PCDHGA8: variants seen among roughly 807,000 people sequenced by gnomAD.
PCDHGA8 encodes the protein protocadherin gamma-A8.
In PCDHGA8, 45 loss-of-function variants were observed where a neutral mutation model predicts 59.2. The observed-to-expected ratio is 0.76, with a 90% confidence interval of 0.60 to 0.98. The LOEUF (loss-of-function observed/expected upper bound fraction) is 0.98, where lower values mean the gene tolerates loss of function less well. PCDHGA8 is among the 50% of genes least tolerant of loss of function. PCDHGA8 has a pLI of 0.00. For synonymous variants in PCDHGA8, 531 were observed against 519.0 expected, an observed-to-expected ratio of 1.02 and a Z score of -0.32; for missense variants, 1,257 against 1,196.2, an observed-to-expected ratio of 1.05 and a Z score of -0.75.
chr5:141,425,013 G>T (rs1666336437), intron 1 of PCDHGA8, among the ~76,000 whole-genome samples: 1 of 152,108 alleles, frequency 6.6e-6, no homozygotes, highest in Non-Finnish European at 1.5e-5. Flanking sequence ...TCTCATTTAG[G>T]AATTTACCTT....
chr5:141,469,697 T>G (rs2154570403), intron 1 of PCDHGA8, among the ~76,000 whole-genome samples: 1 of 152,392 alleles, frequency 6.6e-6, no homozygotes, highest in African/African-American at 2.4e-5. Context: ...TCCTATGACC[T>G]AGTAATCACA....
chr5:141,427,626 C>T, intron 1 of PCDHGA8: 1 of 699,934 alleles, frequency 1.4e-6, no homozygotes, highest in Non-Finnish European at 2.6e-6. Flanking sequence ...CGACAATGCT[C>T]CGGTTTTCCA....
chr5:141,399,300 C>T (rs985419238), intron 1 of PCDHGA8: 3 of 1,613,792 alleles, frequency 1.9e-6, no homozygotes, highest in Non-Finnish European at 2.5e-6. Flanking sequence ...TTAAGATTAT[C>T]TCTTCATCCA....
intron 1 of PCDHGA8, among the ~76,000 whole-genome samples, chr5:141,447,221 C>A (rs1034853072): frequency 6.6e-6 from 1 of 152,026 alleles, no homozygotes; most frequent in Non-Finnish European, 1.5e-5. Context: ...CTCACTGCAA[C>A]CTCCGCCTCC....
intron 1 of PCDHGA8, among the ~76,000 whole-genome samples, chr5:141,454,985 A>G (rs1292477757): frequency 1.3e-5 from 2 of 150,314 alleles, no homozygotes; most frequent in African/African-American, 4.9e-5. Context: ...TTTTTTAAAA[A>G]ATATTTTTAG....
At chr5:141,407,703 G>T (rs1016806853) in intron 1 of PCDHGA8, among the ~76,000 whole-genome samples, 1 of 152,096 alleles carries the variant, frequency 6.6e-6, no homozygotes, top group Admixed American at 6.6e-5. Context: ...ATTGTTGAAG[G>T]TGGGGTGATG....
chr5:141,428,224 G>T, intron 1 of PCDHGA8: 1 of 1,164,316 alleles, frequency 8.6e-7, no homozygotes, highest in Non-Finnish European at 1.3e-6. Context: ...AGTCTTCGCA[G>T]ACAGCCTGCA....
At chr5:141,400,524 G>A (rs958686867) in intron 1 of PCDHGA8, 1 of 1,613,802 alleles carries the variant, frequency 6.2e-7, no homozygotes, top group Non-Finnish European at 8.5e-7. Context: ...ATCCTGAGTT[G>A]GTGAGTTTCA....
At chr5:141,424,726 T>C (rs1041673348) in intron 1 of PCDHGA8, 7 of 152,218 alleles carry the variant, frequency 4.6e-5, no homozygotes, top group African/African-American at 4.8e-5. Context: ...TTGGGAGTCA[T>C]AGATTCCTTC....
chr5:141,446,928 C>T (rs988582410), intron 1 of PCDHGA8, among the ~76,000 whole-genome samples: 14 of 152,132 alleles, frequency 9.2e-5, no homozygotes, highest in Non-Finnish European at 1.6e-4. Context: ...TTCCTGATCT[C>T]TTTTTCACTG....
chr5:141,490,317 C>A lies in PCDHGA8; in HGVS notation c.2425-4490C>A, dbSNP rs2233604. ...TATTGGCCTCTTTGGCCAACCCTGT[C>A]CTAGAGAGCACACCAGTGGGCACAG... On this transcript the variant is annotated intron_variant, in intron 1 of 3. Coordinates refer to ENST00000398604, the MANE Select transcript of PCDHGA8 (RefSeq NM_032088.2). The surrounding 1 kb of genome is among the most constrained non-coding windows in gnomAD (Gnocchi z 5.4). 32,069 of 1,614,158 alleles carry A rather than the reference C, an allele frequency of 0.02. 521 individuals carry two copies. Among genetic ancestry groups the A allele is most frequent in the African/African-American group, 0.081 (6,098 of 75,022 alleles).
intron 1 of PCDHGA8, chr5:141,427,831 G>A (rs2097077070): frequency 6.5e-7 from 1 of 1,539,366 alleles, no homozygotes; most frequent in East Asian, 2.2e-5. Context: ...GTCGCGCAGC[G>A]TGCCTTCGAC....
rs759854662 is a variant in PCDHGA8 at position 141,394,946 on chromosome 5, T to A, written c.2133T>A (p.Leu711=). ...TCTTCCTCGCCTTTGTCGCTGTGCT[T>A]CTGGGGCTCAGGCTGAGGCGCTGGC... The part of the protein sequence containing the change: ...SCVFLAFVAV[L]LGLRLRRWHK... The change falls in exon 1 of 4, where the codon CTT becomes CTA. Residue 711 remains leucine (L), a synonymous_variant. Coordinates refer to ENST00000398604, the MANE Select transcript of PCDHGA8 (RefSeq NM_032088.2). 6.2e-7 allele frequency: 1 copy of A among 1,613,768 alleles called. No individual in the cohort carries two copies. Among genetic ancestry groups the A allele is most frequent in the East Asian group, 2.2e-5 (1 of 44,896 alleles).
intron 1 of PCDHGA8, chr5:141,423,907 G>C: frequency 7.9e-7 from 1 of 1,271,360 alleles, no homozygotes. Context: ...TTTCAAAGGG[G>C]CCATTCAACT....
intron 1 of PCDHGA8, chr5:141,413,448 G>A (rs781717265): frequency 3.1e-6 from 5 of 1,614,122 alleles, no homozygotes; most frequent in Non-Finnish European, 4.2e-6. Context: ...TGATCACCGC[G>A]GGCAGGATAG....
chr5:141,494,894 C>A, intron 2 of PCDHGA8, 29 bp downstream of exon 2: 1 of 1,614,116 alleles, frequency 6.2e-7, no homozygotes, highest in South Asian at 1.1e-5. Flanking sequence ...AGCCCACCCT[C>A]TTCTCTGCGG....
chr5:141,497,385 C>T (rs2154592097), intron 2 of PCDHGA8, among the ~76,000 whole-genome samples: 1 of 152,212 alleles, frequency 6.6e-6, no homozygotes, highest in African/African-American at 2.4e-5. Flanking sequence ...GGGGTGAGCA[C>T]CTTACCCCTG....
chr5:141,430,707 C>T, intron 1 of PCDHGA8: 2 of 1,478,562 alleles, frequency 1.4e-6, no homozygotes, highest in Non-Finnish European at 9.0e-7. Flanking sequence ...GGAACTGCTC[C>T]TGACTTCAGT....
chr5:141,417,805 G>T, intron 1 of PCDHGA8: 1 of 1,499,292 alleles, frequency 6.7e-7, no homozygotes. Flanking sequence ...TAGCGCGGTA[G>T]AGTGCACTTT....
Sources: gnomAD v4.1 joint callset for allele counts (sites outside exome capture counted in the v4.1 genomes callset) on GRCh38, gnomAD v4.1.1 for gene constraint, Gnocchi (gnomAD v3.1) non-coding constraint, MANE v1.5 for transcripts, NCBI Gene and HGNC (gene_info 2026-07-23, HGNC 2026-07-21) for gene names.